The following UST variants were observed in gnomAD, a reference collection of about 807,000 sequenced individuals.
UST encodes uronyl 2-sulfotransferase.
UST carries 21 observed loss-of-function variants against 45.6 expected under a neutral mutation model. The observed-to-expected ratio is 0.46, with a 90% CI of 0.33 to 0.66. UST has a LOEUF of 0.66. Among genes scored for constraint, UST ranks in the 30% least tolerant of loss-of-function variants. UST has a pLI of 0.02. For synonymous variants in UST, 215 were observed against 200.6 expected (o/e 1.07, Z -0.61); for missense variants, 463 against 512.4 (o/e 0.90, Z 0.93).
chr6:148,939,817 C>A lies in UST; in HGVS notation c.292-1462C>A, dbSNP rs148911059. 2.6e-3 allele frequency among the ~76,000 whole-genome samples: 403 copies of A among 152,216 alleles called. 1 individual carries two copies. Among genetic ancestry groups the A allele is most frequent in the African/African-American group, 9.3e-3 (388 of 41,542 alleles). On this transcript the variant is annotated intron_variant, in intron 2 of 7. Coordinates refer to ENST00000367463, the MANE Select transcript of UST (RefSeq NM_005715.3). ...ACGATCTTAGATTAGGCAATAGTTT[C>A]TTAGATATGACACCAAAACCAAAAC... is the stretch of plus-strand genomic sequence containing the variant.
At chr6:148,919,363 G>A (rs907001751) in intron 2 of UST, among the ~76,000 whole-genome samples, 9 of 152,160 alleles carry the variant, frequency 5.9e-5, no homozygotes, top group African/African-American at 2.2e-4. Flanking sequence ...GTCAGAGTCA[G>A]TTAGAAGCTG....
At chr6:149,037,650 C>T (rs1776257004) in intron 7 of UST, among the ~76,000 whole-genome samples, 1 of 152,222 alleles carries the variant, frequency 6.6e-6, no homozygotes, top group African/African-American at 2.4e-5. Context: ...GTGTGGTCCA[C>T]GGACCGGTGC....
chr6:148,988,302 G>A (rs150321098), intron 5 of UST, among the ~76,000 whole-genome samples: 1,802 of 152,120 alleles, frequency 0.012, 19 homozygotes, highest in African/African-American at 0.032. Context: ...GGCTGGGTGC[G>A]GTGGCTCATG....
intron 1 of UST, among the ~76,000 whole-genome samples, chr6:148,837,705 C>A (rs1221028170): frequency 6.8e-6 from 1 of 147,786 alleles, no homozygotes; most frequent in Non-Finnish European, 1.5e-5. Flanking sequence ...TTTTTTCTCT[C>A]CTTTTTTTGA....
intron 2 of UST, among the ~76,000 whole-genome samples, chr6:148,940,562 TA>T (rs1329395860): frequency 6.6e-6 from 1 of 152,130 alleles, no homozygotes. Flanking sequence ...GGAACCCTCA[TA>T]TGTTGTTGGT....
intron 1 of UST, among the ~76,000 whole-genome samples, chr6:148,820,953 A>AT (rs755953300): frequency 6.6e-5 from 9 of 135,724 alleles, no homozygotes; most frequent in South Asian, 2.4e-4. Context: ...GTCATGTAGT[A>AT]TTTTTTTTTA....
chr6:148,823,997 C>T (rs972782067), intron 1 of UST, among the ~76,000 whole-genome samples: 1 of 152,050 alleles, frequency 6.6e-6, no homozygotes, highest in African/African-American at 2.4e-5. Flanking sequence ...TTGACTGATA[C>T]AAGGAGATAA....
intron 7 of UST, among the ~76,000 whole-genome samples, chr6:149,067,416 C>T (rs752320319): frequency 6.6e-6 from 1 of 152,140 alleles, no homozygotes; most frequent in Non-Finnish European, 1.5e-5. Context: ...CCATATTTGG[C>T]GGTCACCCTC....
In UST at chr6:148,908,612, C is replaced by T. The variant is rs189147075; in HGVS notation, c.291+21583C>T. On this transcript the variant is annotated intron_variant, in intron 2 of 7. Coordinates refer to ENST00000367463, the MANE Select transcript of UST (RefSeq NM_005715.3). ...TTCTATATTTTGAATGTGTGTTAAACGAATTTAGATTTATAATTTTATATT... is the reference window on the plus strand; with the variant it reads ...TTCTATATTTTGAATGTGTGTTAAATGAATTTAGATTTATAATTTTATATT... Among the ~76,000 whole-genome samples, 21 of 152,144 alleles carry T rather than the reference C, an allele frequency of 1.4e-4. No homozygotes were observed. In the East Asian group the frequency reaches 3.1e-3, roughly 22 times the overall value.
In UST at chr6:148,747,631, C is replaced by T. The variant is rs1321118617; in HGVS notation, c.201C>T (p.Leu67=). 1.2e-6 allele frequency: 2 copies of T among 1,600,536 alleles called. No individual in the cohort carries two copies. The highest frequency in any genetic ancestry group is 1.4e-5 in the African/African-American group (1 of 73,658). ...GCCTGGGCTCCCTCCTCTATCAGCTCAGCGGGGGACCCCCTCGCTTCCTGC... is the reference window on the plus strand; with the variant it reads ...GCCTGGGCTCCCTCCTCTATCAGCTTAGCGGGGGACCCCCTCGCTTCCTGC... ...VFCLGSLLYQ[L]SGGPPRFLLD... Residue 67 remains leucine, a synonymous_variant, in exon 1 of 8, where the codon CTC becomes CTT. Coordinates refer to ENST00000367463, the MANE Select transcript of UST (RefSeq NM_005715.3).
chr6:148,890,477 A>G (rs573216168), intron 2 of UST, among the ~76,000 whole-genome samples: 161 of 152,384 alleles, frequency 1.1e-3, no homozygotes, highest in African/African-American at 3.6e-3. Context: ...CTCAAAAAAT[A>G]ACTTTTTGAT....
At chr6:148,915,637 C>T (rs1779574426) in intron 2 of UST, among the ~76,000 whole-genome samples, 1 of 152,162 alleles carries the variant, frequency 6.6e-6, no homozygotes. Context: ...GATAAACATC[C>T]ATTACATGTA....
In UST at chr6:148,747,574, C is replaced by T. The variant is rs766415442; in HGVS notation, c.144C>T (p.Tyr48=). The change falls in exon 1 of 8, where the codon TAC becomes TAT. Residue 48 remains tyrosine, a synonymous_variant. Transcript: ENST00000367463. ...LPFLRFSLRD[Y]GFCMATLLVF... ...TCCTGCGCTTCTCCCTCCGGGACTACGGCTTCTGCATGGCCACCCTGCTGG... is the reference window on the plus strand; with the variant it reads ...TCCTGCGCTTCTCCCTCCGGGACTATGGCTTCTGCATGGCCACCCTGCTGG... The T allele has an allele frequency of 6.3e-7, 1 of 1,587,250 alleles. No homozygotes were observed. Among genetic ancestry groups the T allele is most frequent in the South Asian group, 1.2e-5 (1 of 86,840 alleles).
In UST at chr6:148,888,358, A is replaced by G. The variant is rs79949550; in HGVS notation, c.291+1329A>G. On this transcript the variant is annotated intron_variant, in intron 2 of 7. Transcript: ENST00000367463. Reference sequence around the variant, plus strand: ...CACTCCGACACTGGGGATGACAATTAGACATGAGATTTGGGTGGGGACACA... The same window carrying G: ...CACTCCGACACTGGGGATGACAATTGGACATGAGATTTGGGTGGGGACACA... Among the ~76,000 whole-genome samples the G allele has an allele frequency of 3.1e-3, 469 of 152,320 alleles. 4 individuals are homozygous for G. Among genetic ancestry groups the G allele is most frequent in the African/African-American group, 0.011 (446 of 41,568 alleles).
At chr6:148,997,658 A>AG (rs1781477579) in intron 5 of UST, among the ~76,000 whole-genome samples, 1 of 152,164 alleles carries the variant, frequency 6.6e-6, no homozygotes, top group Non-Finnish European at 1.5e-5. Context: ...AACACACTAT[A>AG]CTAATAGTCA....
intron 2 of UST, among the ~76,000 whole-genome samples, chr6:148,904,690 A>T (rs1016327332): frequency 9.2e-5 from 14 of 152,006 alleles, no homozygotes; most frequent in African/African-American, 3.1e-4. Context: ...CACCCAGCTA[A>T]TTTTTGTGTT....
chr6:149,042,611 G>T (rs369221360), intron 7 of UST, among the ~76,000 whole-genome samples: 1 of 152,166 alleles, frequency 6.6e-6, no homozygotes, highest in African/African-American at 2.4e-5. Context: ...ATGTCCAGGC[G>T]TGGCCTGTGC....
intron 2 of UST, among the ~76,000 whole-genome samples, chr6:148,930,641 G>C (rs1471930469): frequency 6.6e-6 from 1 of 152,138 alleles, no homozygotes; most frequent in African/African-American, 2.4e-5. Flanking sequence ...TCAAGCATCT[G>C]TTTGTATTGC....
chr6:149,000,818 T>C (rs1562325741), intron 5 of UST, among the ~76,000 whole-genome samples: 1 of 152,042 alleles, frequency 6.6e-6, no homozygotes, highest in African/African-American at 2.4e-5. Context: ...GAAGTAAAAA[T>C]TTAATAGATA....
Sources: allele counts gnomAD v4.1 joint callset (sites outside exome capture counted in the v4.1 genomes callset), GRCh38; gene constraint gnomAD v4.1.1; transcripts MANE v1.5; gene names NCBI Gene and HGNC (gene_info 2026-07-23, HGNC 2026-07-21).